Variants in SPECC1L observed in about 807,000 individuals in gnomAD.
SPECC1L encodes sperm antigen with calponin homology and coiled-coil domains 1 like.
Under a neutral mutation model 116.8 loss-of-function variants are expected in SPECC1L, and 40 were observed. That is an observed-to-expected ratio of 0.34 (90% CI 0.27 to 0.45). SPECC1L has a LOEUF of 0.45. SPECC1L is among the 20% of genes least tolerant of loss of function. The pLI is 1.00. For missense variants in SPECC1L, 1,110 were observed against 1,373.6 expected, an observed-to-expected ratio of 0.81 and a Z score of 3.03; for synonymous variants, 504 against 500.6, an observed-to-expected ratio of 1.01 and a Z score of -0.09.
At chr22:24,412,998 CT>C (rs1357593396) in intron 16 of SPECC1L, among the ~76,000 whole-genome samples, 1 of 152,192 alleles carries the variant, frequency 6.6e-6, no homozygotes, top group Non-Finnish European at 1.5e-5. Flanking sequence ...TGGGACGGCT[CT>C]TTGCAGTCAT....
At chr22:24,364,970 C>T (rs1036846022) in intron 12 of SPECC1L, among the ~76,000 whole-genome samples, 1 of 152,070 alleles carries the variant, frequency 6.6e-6, no homozygotes, top group East Asian at 1.9e-4. Context: ...GAGTTCAGTG[C>T]ATATTTCAAC....
intron 3 of SPECC1L, among the ~76,000 whole-genome samples, chr22:24,312,622 G>A (rs1347188901): frequency 6.6e-6 from 1 of 151,988 alleles, no homozygotes; most frequent in Non-Finnish European, 1.5e-5. Flanking sequence ...CTACTTTTTA[G>A]AATAATAAAT....
chr22:24,330,533 T>TA, intron 8 of SPECC1L, 102 bp downstream of exon 8: 1 of 1,310,438 alleles, frequency 7.6e-7, no homozygotes, highest in Non-Finnish European at 1.1e-6. Context: ...GTTTGATACT[T>TA]ACTGAGTTTG....
At chr22:24,305,743 T>C (rs1352952269) in intron 3 of SPECC1L, among the ~76,000 whole-genome samples, 7 of 152,228 alleles carry the variant, frequency 4.6e-5, no homozygotes, top group Non-Finnish European at 8.8e-5. Context: ...TTTAATGTTA[T>C]AGATAGAAGA....
intron 14 of SPECC1L, among the ~76,000 whole-genome samples, chr22:24,384,346 A>C (rs2042121106): frequency 6.6e-6 from 1 of 152,224 alleles, no homozygotes; most frequent in Non-Finnish European, 1.5e-5. Context: ...TCTGAAAGAA[A>C]AAGGAAGTTC....
chr22:24,327,751 A>G (rs2040859438), intron 6 of SPECC1L, among the ~76,000 whole-genome samples: 1 of 152,160 alleles, frequency 6.6e-6, no homozygotes, highest in Non-Finnish European at 1.5e-5. Flanking sequence ...TAAAGATACC[A>G]TATTCCAACT....
At chr22:24,363,942 TG>T (rs1569436228) in intron 12 of SPECC1L, among the ~76,000 whole-genome samples, 1 of 107,314 alleles carries the variant, frequency 9.3e-6, no homozygotes, top group Non-Finnish European at 1.9e-5. Flanking sequence ...GGGGTGGGAG[TG>T]GGGGCAGCAG....
At chr22:24,349,073 C>T (rs188424567) in intron 11 of SPECC1L, among the ~76,000 whole-genome samples, 1 of 152,062 alleles carries the variant, frequency 6.6e-6, no homozygotes, top group Non-Finnish European at 1.5e-5. Context: ...CAGAGTCTCA[C>T]TCTGTCGCCC....
chr22:24,348,280 A>T (rs1398850859), intron 11 of SPECC1L, among the ~76,000 whole-genome samples: 1 of 152,188 alleles, frequency 6.6e-6, no homozygotes, highest in Non-Finnish European at 1.5e-5. Context: ...TTAGACTAGA[A>T]GGCTTCAACA....
chr22:24,316,291 T>TTTAC (rs1722203389), intron 4 of SPECC1L, among the ~76,000 whole-genome samples: 1 of 151,722 alleles, frequency 6.6e-6, no homozygotes, highest in Admixed American at 6.6e-5. Context: ...TATTTATTTA[T>TTTAC]TTATTTATTG....
chr22:24,396,975 C>T (rs1037702944), intron 14 of SPECC1L, among the ~76,000 whole-genome samples: 1 of 152,202 alleles, frequency 6.6e-6, no homozygotes, highest in South Asian at 2.1e-4. Flanking sequence ...GTCCTGGTGA[C>T]GGTCCTGTCG....
At chr22:24,333,215 G>A (rs557388390) in intron 8 of SPECC1L, among the ~76,000 whole-genome samples, 1 of 152,032 alleles carries the variant, frequency 6.6e-6, no homozygotes, top group East Asian at 1.9e-4. Context: ...CAACAAGAGC[G>A]AAACTCCATC....
intron 10 of SPECC1L, 108 bp downstream of exon 10, chr22:24,338,585 A>G: frequency 1.2e-6 from 1 of 869,276 alleles, no homozygotes; most frequent in African/African-American, 1.7e-5. Context: ...TGACTACCTC[A>G]GCAGGGATGT....
chr22:24,294,406 G>T lies in SPECC1L; in HGVS notation c.-37-7789G>T, dbSNP rs375134293. ...GTCCTTTTTTTTTTTTTTTGAGATG[G>T]AGTCTCACTTTGTTGCCCAGGCTGG... On this transcript the variant is annotated intron_variant, in intron 2 of 16. Coordinates refer to ENST00000314328, the MANE Select transcript of SPECC1L (RefSeq NM_015330.6). 5.7e-4 allele frequency among the ~76,000 whole-genome samples: 85 copies of T among 148,636 alleles called. 3 individuals are homozygous for T. The East Asian group carries it at 0.016, about 27-fold the overall frequency.
intron 14 of SPECC1L, among the ~76,000 whole-genome samples, chr22:24,404,232 C>T (rs995358824): frequency 2.0e-5 from 3 of 152,154 alleles, no homozygotes; most frequent in South Asian, 2.1e-4. Context: ...GGGCTGGATC[C>T]GAGGCCTCCT....
At position 24,322,022 on chromosome 22, in the gene SPECC1L, G is replaced by A; in HGVS notation, c.1042G>A (p.Glu348Lys). ...HSNSMDNLDSECSEVYQPLTS... is the reference protein window; with the variant it reads ...HSNSMDNLDSKCSEVYQPLTS... The stretch of plus-strand genomic sequence containing the variant: ...TAACTCCATGGACAATTTAGACAGT[G>A]AGTGCAGTGAGGTCTACCAGCCCCT... The change falls in exon 5 of 17, where the codon GAG becomes AAG. Residue 348 changes from glutamate to lysine, a missense_variant. Glu to Lys is a moderately conservative substitution (Grantham distance 56). Around this residue, in one of 4 missense-constraint regions of SPECC1L, gnomAD observed 437 missense variants for 482.6 expected, o/e 0.91. Transcript: ENST00000314328. 6.2e-7 allele frequency: 1 copy of A among 1,614,200 alleles called. No homozygotes were observed. Among genetic ancestry groups the A allele is most frequent in the Non-Finnish European group, 8.5e-7 (1 of 1,180,042 alleles).
chr22:24,317,389 G>A (rs1229093735), intron 4 of SPECC1L, among the ~76,000 whole-genome samples: 6 of 123,166 alleles, frequency 4.9e-5, no homozygotes, highest in South Asian at 2.6e-4. Context: ...AGGGGCGGCC[G>A]GGCAGAGGCG....
intron 14 of SPECC1L, among the ~76,000 whole-genome samples, chr22:24,396,595 C>T (rs1296057033): frequency 6.6e-6 from 1 of 152,180 alleles, no homozygotes; most frequent in Non-Finnish European, 1.5e-5. Flanking sequence ...CACCCCCAGC[C>T]TCAAAGAACT....
At chr22:24,411,118 G>A (rs1034489574) in intron 14 of SPECC1L, among the ~76,000 whole-genome samples, 3 of 152,096 alleles carry the variant, frequency 2.0e-5, no homozygotes, top group Admixed American at 6.5e-5. Flanking sequence ...GAACCCGGGA[G>A]GTAGAGGTTG....
Sources: allele counts gnomAD v4.1 joint callset (sites outside exome capture counted in the v4.1 genomes callset), GRCh38; gene constraint gnomAD v4.1.1; regional missense constraint gnomAD v4.1.1; transcripts MANE v1.5; gene names NCBI Gene and HGNC (gene_info 2026-07-23, HGNC 2026-07-21).